Variants in TMEM132C observed in about 807,000 individuals in gnomAD.
TMEM132C encodes transmembrane protein 132C.
In TMEM132C, 29 loss-of-function variants were observed where a neutral mutation model predicts 61.4. That is an observed-to-expected ratio of 0.47 (90% CI 0.35 to 0.64). TMEM132C has a LOEUF of 0.64. Among genes scored for constraint, TMEM132C ranks in the 30% least tolerant of loss-of-function variants. The pLI is 0.00. For synonymous variants in TMEM132C, 656 were observed against 633.1 expected (o/e 1.04, Z -0.54); for missense variants, 1,408 against 1,476.9 (o/e 0.95, Z 0.76).
At chr12:128,290,888 A>G (rs1871227419) in intron 1 of TMEM132C, among the ~76,000 whole-genome samples, 1 of 152,156 alleles carries the variant, frequency 6.6e-6, no homozygotes, top group Non-Finnish European at 1.5e-5. Context: ...CCAATTTCAT[A>G]ATAGAAATGA....
At chr12:128,703,419 T>C (rs1356555708) in intron 8 of TMEM132C, among the ~76,000 whole-genome samples, 1 of 152,232 alleles carries the variant, frequency 6.6e-6, no homozygotes, top group East Asian at 1.9e-4. Flanking sequence ...TGTTTCTGTG[T>C]CAGTTTGCTA....
intron 3 of TMEM132C, among the ~76,000 whole-genome samples, chr12:128,563,788 CAAT>C (rs1359037693): frequency 2.0e-5 from 3 of 152,328 alleles, no homozygotes; most frequent in African/African-American, 7.2e-5. Flanking sequence ...AGCAAATCCT[CAAT>C]AAATATTATC....
At chr12:128,587,813 T>G (rs1362635941) in intron 3 of TMEM132C, among the ~76,000 whole-genome samples, 2 of 152,112 alleles carry the variant, frequency 1.3e-5, no homozygotes, top group Non-Finnish European at 2.9e-5. Flanking sequence ...GTGTGTAAGT[T>G]TGAGGAAAAA....
intron 2 of TMEM132C, among the ~76,000 whole-genome samples, chr12:128,418,657 A>G (rs916471858): frequency 6.6e-6 from 1 of 152,256 alleles, no homozygotes; most frequent in African/African-American, 2.4e-5. Context: ...TCATATAACC[A>G]TAGTACAATA....
At chr12:128,579,311 A>G (rs1296011884) in intron 3 of TMEM132C, among the ~76,000 whole-genome samples, 2 of 152,240 alleles carry the variant, frequency 1.3e-5, no homozygotes, top group East Asian at 3.8e-4. Flanking sequence ...GCTTGTATCA[A>G]TAAATCGTTT....
intron 4 of TMEM132C, among the ~76,000 whole-genome samples, chr12:128,651,786 A>G (rs995990914): frequency 3.9e-5 from 6 of 152,194 alleles, no homozygotes; most frequent in African/African-American, 1.4e-4. Context: ...CAGAAGGAAC[A>G]GCATATGCAA....
At chr12:128,550,190 G>A (rs1375035920) in intron 3 of TMEM132C, among the ~76,000 whole-genome samples, 6 of 152,310 alleles carry the variant, frequency 3.9e-5, no homozygotes, top group African/African-American at 1.4e-4. Flanking sequence ...GCTGTCAAGG[G>A]TGGTTTCTGG....
At chr12:128,552,438 A>T (rs1204592478) in intron 3 of TMEM132C, among the ~76,000 whole-genome samples, 1 of 152,238 alleles carries the variant, frequency 6.6e-6, no homozygotes, top group South Asian at 2.1e-4. Flanking sequence ...GTATCATACC[A>T]TTGGGCAAAT....
chr12:128,493,976 G>A (rs1462996478), intron 2 of TMEM132C, among the ~76,000 whole-genome samples: 1 of 152,136 alleles, frequency 6.6e-6, no homozygotes, highest in Non-Finnish European at 1.5e-5. Flanking sequence ...GTATGATATT[G>A]GCTGTGGGTT....
intron 1 of TMEM132C, among the ~76,000 whole-genome samples, chr12:128,269,234 C>T (rs1188737573): frequency 2.6e-5 from 4 of 152,132 alleles, no homozygotes; most frequent in South Asian, 4.1e-4. Flanking sequence ...TTGAGCAGGG[C>T]GTGACCGACC....
At chr12:128,587,397 T>C (rs1054065858) in intron 3 of TMEM132C, among the ~76,000 whole-genome samples, 1 of 152,156 alleles carries the variant, frequency 6.6e-6, no homozygotes, top group African/African-American at 2.4e-5. Context: ...TCTCTGGGAC[T>C]TCACTGGTAA....
intron 1 of TMEM132C, among the ~76,000 whole-genome samples, chr12:128,398,320 C>A (rs773355151): frequency 6.6e-6 from 1 of 152,220 alleles, no homozygotes; most frequent in Non-Finnish European, 1.5e-5. Context: ...GATAGTTCTG[C>A]AACCTTTGTG....
intron 2 of TMEM132C, among the ~76,000 whole-genome samples, chr12:128,416,876 C>T (rs569301978): frequency 1.4e-4 from 21 of 152,272 alleles, no homozygotes; most frequent in African/African-American, 4.1e-4. Flanking sequence ...CCCCTTTCAG[C>T]GACGTCATGA....
rs1048000552 is a variant in TMEM132C, at chr12:128,705,882, G to A, written c.2914G>A (p.Val972Met). The A allele has an allele frequency of 1.3e-6, 2 of 1,551,372 alleles. No individual in the cohort carries two copies. Among genetic ancestry groups the A allele is most frequent in the Non-Finnish European group, 1.7e-6 (2 of 1,147,008 alleles). ...CTCCATGACCCACTCTCACGACTGGGTGTGGCTTGGCAATGAGGCCGAACT... is the reference window on the plus strand; with the variant it reads ...CTCCATGACCCACTCTCACGACTGGATGTGGCTTGGCAATGAGGCCGAACT... The part of the protein sequence containing the change: ...QASMTHSHDW[V>M]WLGNEAELLE... Residue 972 changes from valine to methionine, a missense_variant, in exon 9 of 9, where the codon GTG (valine) becomes ATG (methionine). By Grantham distance (21) the Val-to-Met change is conservative (BLOSUM62 1). Transcript: ENST00000435159.
intron 1 of TMEM132C, 27 bp downstream of exon 1, chr12:128,267,514 G>A (rs1450943107): frequency 8.1e-7 from 1 of 1,232,034 alleles, no homozygotes; most frequent in Non-Finnish European, 1.0e-6. Context: ...TGCCTGGCGC[G>A]CCGACGCATG....
At chr12:128,515,018 C>T (rs1030968443) in intron 2 of TMEM132C, among the ~76,000 whole-genome samples, 5 of 152,312 alleles carry the variant, frequency 3.3e-5, no homozygotes, top group East Asian at 1.9e-4. Context: ...AGTCTGGACA[C>T]GGATAAAGCA....
intron 3 of TMEM132C, among the ~76,000 whole-genome samples, chr12:128,582,384 G>A (rs1875371737): frequency 6.7e-6 from 1 of 150,288 alleles, no homozygotes; most frequent in Admixed American, 6.6e-5. Flanking sequence ...TACACACTCT[G>A]TGTGGGAGTA....
intron 4 of TMEM132C, among the ~76,000 whole-genome samples, chr12:128,616,952 TG>T (rs1474852636): frequency 2.0e-5 from 3 of 152,222 alleles, no homozygotes; most frequent in African/African-American, 7.2e-5. Context: ...CTATGAGAAA[TG>T]GATTAATCAG....
intron 4 of TMEM132C, among the ~76,000 whole-genome samples, chr12:128,656,195 C>T (rs577656988): frequency 1.3e-5 from 2 of 152,298 alleles, no homozygotes; most frequent in East Asian, 1.9e-4. Context: ...GGATTACAGG[C>T]GTGTGCCACC....
Sources: gnomAD v4.1 joint callset for allele counts (sites outside exome capture counted in the v4.1 genomes callset) on GRCh38, gnomAD v4.1.1 for gene constraint, MANE v1.5 for transcripts, NCBI Gene and HGNC (gene_info 2026-07-23, HGNC 2026-07-21) for gene names.